CLASP2: variants seen among roughly 807,000 people sequenced by gnomAD.
CLASP2 encodes cytoplasmic linker associated protein 2.
In CLASP2, 47 loss-of-function variants were observed where a neutral mutation model predicts 194.4. The observed-to-expected ratio is 0.24, with a 90% confidence interval of 0.19 to 0.31. CLASP2 has a LOEUF of 0.31. CLASP2 is among the 10% of genes least tolerant of loss of function. CLASP2 has a pLI of 1.00. For synonymous variants in CLASP2, 619 were observed against 633.5 expected, an observed-to-expected ratio of 0.98 and a Z score of 0.34; for missense variants, 1,445 against 1,823.6, an observed-to-expected ratio of 0.79 and a Z score of 3.78.
At chr3:33,508,183 T>C (rs2048800073) in intron 37 of CLASP2, among the ~76,000 whole-genome samples, 1 of 151,912 alleles carries the variant, frequency 6.6e-6, no homozygotes, top group African/African-American at 2.4e-5. Flanking sequence ...ACCTGGCTAA[T>C]TAAAAACAAT....
rs1236795116 is a variant in CLASP2 at position 33,606,729 on chromosome 3, G to A, written c.1556C>T (p.Pro519Leu). 2 of 1,612,396 alleles carry A rather than the reference G, an allele frequency of 1.2e-6. No individual in the cohort carries two copies. Among genetic ancestry groups the A allele is most frequent in the South Asian group, 2.2e-5 (2 of 90,886 alleles). Residue 519 changes from proline to leucine, a missense_variant, in exon 16 of 39, where the codon CCT (proline) becomes CTT (leucine). Coordinates refer to ENST00000682230, the MANE Select transcript of CLASP2 (RefSeq NM_001365631.1). ...KTYMGLRNHFPGEAETLYNSL... is the reference protein window; with the variant it reads ...KTYMGLRNHFLGEAETLYNSL... Reference sequence around the variant, plus strand: ...ATTATATAATGTTTCAGCTTCACCAGGAAAGTGGTTTCTAAGACCCATGTA... The same window carrying A: ...ATTATATAATGTTTCAGCTTCACCAAGAAAGTGGTTTCTAAGACCCATGTA...
chr3:33,554,121 G>A (rs938880569), intron 29 of CLASP2, among the ~76,000 whole-genome samples: 4 of 151,754 alleles, frequency 2.6e-5, no homozygotes, highest in South Asian at 2.1e-4. Context: ...CCAGCTACTC[G>A]GGAGGCTGAA....
At chr3:33,546,020 T>C (rs2059106670) in intron 30 of CLASP2, among the ~76,000 whole-genome samples, 1 of 152,232 alleles carries the variant, frequency 6.6e-6, no homozygotes, top group Non-Finnish European at 1.5e-5. Flanking sequence ...TAAATAAAGC[T>C]ATTAATATTT....
chr3:33,529,709 C>T (rs957750687), intron 34 of CLASP2, among the ~76,000 whole-genome samples: 10 of 152,280 alleles, frequency 6.6e-5, no homozygotes, highest in East Asian at 3.9e-4. Context: ...CGGCCGGGCG[C>T]GGTGGCTCAC....
chr3:33,644,750 A>C lies in CLASP2; in HGVS notation c.862+7T>G. On this transcript the variant is annotated splice_region_variant and intron_variant, in intron 8 of 38. Transcript: ENST00000682230. ...TGCATAACAGATTTGAAATGGATTTACATTACCTCCAACCTTAGGGCCACC... is the reference window on the plus strand; with the variant it reads ...TGCATAACAGATTTGAAATGGATTTCCATTACCTCCAACCTTAGGGCCACC... 6.2e-7 allele frequency: 1 copy of C among 1,612,834 alleles called. No individual in the cohort carries two copies. The highest frequency in any genetic ancestry group is 1.7e-4 in the Middle Eastern group (1 of 5,784).
At position 33,645,929 on chromosome 3, in the gene CLASP2, T is replaced by TACACAC. The variant is rs60196645; in HGVS notation, c.716-1032_716-1027dup. On this transcript the variant is annotated intron_variant, in intron 7 of 38. Transcript: ENST00000682230. ...TATGCAAATGAAACATCTCCCAGCA[T>TACACAC]ACACACACACACACACACACACACA... is the stretch of plus-strand genomic sequence containing the variant. Among the ~76,000 whole-genome samples, 223 of 135,196 alleles carry TACACAC rather than the reference T, an allele frequency of 1.6e-3. 3 individuals are homozygous for TACACAC. Among genetic ancestry groups the TACACAC allele is most frequent in the East Asian group, 3.7e-3 (17 of 4,638 alleles). 88.7% of individuals were successfully genotyped at this position (135,196 alleles called of 152,430 possible).
At chr3:33,527,740 T>A (rs1355916904) in intron 34 of CLASP2, among the ~76,000 whole-genome samples, 1 of 152,120 alleles carries the variant, frequency 6.6e-6, no homozygotes, top group East Asian at 1.9e-4. Flanking sequence ...GGCAGGCAGA[T>A]CACCTGAGGT....
At chr3:33,549,488 GC>G (rs2059653511) in intron 30 of CLASP2, among the ~76,000 whole-genome samples, 2 of 151,948 alleles carry the variant, frequency 1.3e-5, no homozygotes, top group African/African-American at 2.4e-5. Flanking sequence ...TTCCTCTTCG[GC>G]CCACTGACTA....
chr3:33,596,589 A>G (rs1377379075), intron 19 of CLASP2, 122 bp downstream of exon 19: 2 of 782,558 alleles, frequency 2.6e-6, no homozygotes, highest in South Asian at 1.8e-5. Context: ...TCACATTAAC[A>G]TTATCACTAA....
rs961601884 is a variant in CLASP2, at chr3:33,496,986, CATT to C, written c.*1642_*1644del. The C allele has an allele frequency of 1.6e-4, 25 of 152,610 alleles. No homozygotes were observed. The highest frequency in any genetic ancestry group is 4.6e-4 in the African/African-American group (19 of 41,526). The allele number at this position is 152,610 out of a possible 1,614,324, so 9.5% of individuals were successfully genotyped here. The stretch of plus-strand genomic sequence containing the variant: ...ACAGTGAGACAGAAAAACTGATATA[CATT>C]ATTAACTTTTTCAAGTAATGTTATG... On this transcript the variant is annotated 3_prime_UTR_variant, in exon 39 of 39. Transcript: ENST00000682230.
intron 8 of CLASP2, among the ~76,000 whole-genome samples, chr3:33,633,548 A>AT (rs2079511648): frequency 6.8e-6 from 1 of 147,760 alleles, no homozygotes; most frequent in Non-Finnish European, 1.5e-5. Flanking sequence ...CAGGGAACAG[A>AT]TAATAGATTT....
chr3:33,499,728 A>G (rs6796857), intron 38 of CLASP2, among the ~76,000 whole-genome samples: 6,829 of 152,274 alleles, frequency 0.045, 249 homozygotes, highest in African/African-American at 0.11. Flanking sequence ...TAAAGCAATA[A>G]TAACAAACAA....
At position 33,674,454 on chromosome 3, in the gene CLASP2, G is replaced by T. The variant is rs141335823; in HGVS notation, c.644+9905C>A. On this transcript the variant is annotated intron_variant, in intron 6 of 38. Transcript: ENST00000682230. ...GACACATTCAAAGCAGTGTGTAGAG[G>T]GAAATATAAATGCCCACGAGAGAAA... Among the ~76,000 whole-genome samples the T allele has an allele frequency of 2.7e-5, 4 of 148,282 alleles. 1 individual carries two copies. The highest frequency in any genetic ancestry group is 1.0e-4 in the African/African-American group (4 of 38,300).
At chr3:33,713,012 C>CAAAAAAAAAAAAAAAAAAAAAAAA (rs57940200) in intron 1 of CLASP2, among the ~76,000 whole-genome samples, 45 of 47,006 alleles carry the variant, frequency 9.6e-4, no homozygotes, top group Non-Finnish European at 1.4e-3. Flanking sequence ...AACTCCACCT[C>CAAAAAAAAAAAAAAAAAAAAAAAA]AAAAAAAAAA....
chr3:33,645,872 A>G (rs1469258160), intron 7 of CLASP2, among the ~76,000 whole-genome samples: 1 of 151,808 alleles, frequency 6.6e-6, no homozygotes, highest in African/African-American at 2.4e-5. Context: ...TCCTTTCGGA[A>G]TATGAATGAC....
chr3:33,708,472 G>A (rs1218480256), intron 1 of CLASP2, among the ~76,000 whole-genome samples: 1 of 67,452 alleles, frequency 1.5e-5, no homozygotes, highest in Non-Finnish European at 2.9e-5. Flanking sequence ...GTGTGTGTGG[G>A]TGTGTGTGTG....
intron 37 of CLASP2, among the ~76,000 whole-genome samples, chr3:33,507,140 A>C (rs1329391849): frequency 1.3e-5 from 2 of 151,814 alleles, no homozygotes; most frequent in African/African-American, 4.8e-5. Context: ...GGGTTTCACT[A>C]TGGCCAGGCT....
intron 18 of CLASP2, among the ~76,000 whole-genome samples, chr3:33,600,145 T>C (rs1277746917): frequency 1.3e-5 from 2 of 152,150 alleles, no homozygotes; most frequent in African/African-American, 4.8e-5. Flanking sequence ...TTGTGTTTTC[T>C]GCAAAGAGAG....
chr3:33,558,300 CTT>C (rs1382854364), intron 29 of CLASP2: 1 of 152,198 alleles, frequency 6.6e-6, no homozygotes, highest in East Asian at 1.9e-4. Context: ...GTCTCAGACA[CTT>C]TTCGGTTTAC....
Sources: allele counts gnomAD v4.1 joint callset (sites outside exome capture counted in the v4.1 genomes callset), GRCh38; gene constraint gnomAD v4.1.1; transcripts MANE v1.5; gene names NCBI Gene and HGNC (gene_info 2026-07-23, HGNC 2026-07-21).